Variants in ANKS1A observed in about 807,000 individuals in gnomAD.
ANKS1A encodes the protein ankyrin repeat and sterile alpha motif domain containing 1A.
In ANKS1A, 55 loss-of-function variants were observed where a neutral mutation model predicts 120.3. The ratio of observed to expected loss-of-function variants is 0.46; its 90% CI spans 0.37 to 0.57. The LOEUF (loss-of-function observed/expected upper bound fraction) is 0.57. Ranked by LOEUF, ANKS1A falls within the 20% of genes least tolerant of loss-of-function variation. The probability of loss-of-function intolerance (pLI) is 0.00; values close to 1 mark genes in which losing one functional copy is unlikely to be tolerated. For missense variants in ANKS1A, 1,123 were observed against 1,480.3 expected (o/e 0.76, Z 3.96); for synonymous variants, 590 against 604.7 (o/e 0.98, Z 0.36).
intron 1 of ANKS1A, among the ~76,000 whole-genome samples, chr6:34,961,963 T>G (rs958118111): frequency 5.9e-5 from 9 of 152,236 alleles, no homozygotes; most frequent in Admixed American, 2.0e-4. Flanking sequence ...TGATTTCGTG[T>G]GTGATTTGGG....
chr6:35,037,774 G>T (rs935939724), intron 11 of ANKS1A, among the ~76,000 whole-genome samples: 1 of 152,112 alleles, frequency 6.6e-6, no homozygotes, highest in Admixed American at 6.5e-5. Context: ...CAGATGGGAG[G>T]GTTTAGAAAT....
chr6:34,922,235 T>C (rs573025757), intron 1 of ANKS1A, among the ~76,000 whole-genome samples: 1 of 152,276 alleles, frequency 6.6e-6, no homozygotes, highest in African/African-American at 2.4e-5. Flanking sequence ...GTACCCCATG[T>C]AAAGCCATAT....
chr6:34,983,188 G>A lies in ANKS1A; in HGVS notation c.884G>A (p.Ser295Asn). The change falls in exon 6 of 24, where the codon AGC becomes AAC. Residue 295 changes from serine to asparagine, a missense_variant. Ser to Asn is a conservative substitution (Grantham distance 46, BLOSUM62 1). This residue lies in a region of ANKS1A where 904 missense variants were observed against 1,130.4 expected (regional missense o/e 0.80). Coordinates refer to ENST00000360359, the MANE Select transcript of ANKS1A (RefSeq NM_015245.3). ...GTTCGGGAACTGCCTTCTCAAAAGA[G>A]CCAGCAAATAGCAGCATTAATTGAA... ...DTVRELPSQKSQQIAALIEDH... is the reference protein window; with the variant it reads ...DTVRELPSQKNQQIAALIEDH... 6.2e-7 allele frequency: 1 copy of A among 1,614,182 alleles called. No homozygotes were observed. Among genetic ancestry groups the A allele is most frequent in the Non-Finnish European group, 8.5e-7 (1 of 1,180,044 alleles).
At chr6:35,005,638 G>C in intron 10 of ANKS1A, 1 of 407,358 alleles carries the variant, frequency 2.5e-6, no homozygotes, top group Non-Finnish European at 4.7e-6. Flanking sequence ...AGAAAGAAAA[G>C]TAAAAGTAAA....
chr6:34,901,170 A>G (rs898531511), intron 1 of ANKS1A, among the ~76,000 whole-genome samples: 1 of 152,136 alleles, frequency 6.6e-6, no homozygotes, highest in Non-Finnish European at 1.5e-5. Context: ...GAATCTAAAC[A>G]ATTGGCAAGA....
At chr6:34,916,285 GC>G (rs1324404399) in intron 1 of ANKS1A, among the ~76,000 whole-genome samples, 1 of 152,078 alleles carries the variant, frequency 6.6e-6, no homozygotes, top group Non-Finnish European at 1.5e-5. Context: ...GAGCCACTGC[GC>G]CCAGCCCATG....
chr6:34,904,496 G>C (rs918298941), intron 1 of ANKS1A, among the ~76,000 whole-genome samples: 2 of 152,184 alleles, frequency 1.3e-5, no homozygotes, highest in Non-Finnish European at 2.9e-5. Flanking sequence ...CACTTTGGGA[G>C]GCTGAGGTGG....
At position 35,085,961 on chromosome 6, in the gene ANKS1A, T is replaced by A; in HGVS notation, c.3303+25T>A. Reference sequence around the variant, plus strand: ...AGTACGTGGGCCCCACTGGCCAAGATCCCCCTCTCCCTGGCCCCAGGGATT... The same window carrying A: ...AGTACGTGGGCCCCACTGGCCAAGAACCCCCTCTCCCTGGCCCCAGGGATT... On this transcript the variant is annotated intron_variant, in intron 22 of 23. Coordinates refer to ENST00000360359, the MANE Select transcript of ANKS1A (RefSeq NM_015245.3). The surrounding 1 kb of genome is among the most constrained non-coding windows in gnomAD (Gnocchi z 4.7). 6.4e-7 allele frequency: 1 copy of A among 1,570,684 alleles called. No homozygotes were observed. Among genetic ancestry groups the A allele is most frequent in the Non-Finnish European group, 8.6e-7 (1 of 1,161,354 alleles).
downstream of ANKS1A, among the ~76,000 whole-genome samples, chr6:35,095,550 G>GT (rs1259315434): frequency 1.8e-5 from 2 of 111,788 alleles, no homozygotes; most frequent in Non-Finnish European, 3.4e-5. Flanking sequence ...GAGGGAGACT[G>GT]TGTCACAAAA....
chr6:35,039,369 G>A (rs1411085063), intron 11 of ANKS1A, among the ~76,000 whole-genome samples: 1 of 151,846 alleles, frequency 6.6e-6, no homozygotes, highest in Non-Finnish European at 1.5e-5. Context: ...GGCTGATTTT[G>A]TATTTTTAGT....
intron 10 of ANKS1A, among the ~76,000 whole-genome samples, chr6:35,007,597 A>T (rs1773531600): frequency 6.6e-6 from 1 of 152,074 alleles, no homozygotes; most frequent in Admixed American, 6.5e-5. Context: ...TTTGATAGTA[A>T]ATGGGAATGT....
intron 3 of ANKS1A, among the ~76,000 whole-genome samples, chr6:34,973,617 G>A (rs1038009938): frequency 3.3e-5 from 5 of 152,186 alleles, no homozygotes; most frequent in Non-Finnish European, 7.4e-5. Context: ...TTGGGGAAGA[G>A]AAACATAAGG....
At chr6:34,955,129 T>G (rs1359075925) in intron 1 of ANKS1A, among the ~76,000 whole-genome samples, 1 of 130,176 alleles carries the variant, frequency 7.7e-6, no homozygotes, top group African/African-American at 3.6e-5. Flanking sequence ...TGAGTTTTCT[T>G]TTTTCTTTTC....
intron 1 of ANKS1A, among the ~76,000 whole-genome samples, chr6:34,965,194 T>A (rs777777073): frequency 1.3e-5 from 2 of 152,214 alleles, no homozygotes; most frequent in Non-Finnish European, 2.9e-5. Context: ...GAGCTATGAC[T>A]TTATAGTATT....
intron 9 of ANKS1A, among the ~76,000 whole-genome samples, chr6:34,993,381 C>G (rs1300150302): frequency 6.6e-6 from 1 of 152,214 alleles, no homozygotes; most frequent in Non-Finnish European, 1.5e-5. Context: ...CTCAGCTGGT[C>G]AAAGCCTTAC....
intron 11 of ANKS1A, among the ~76,000 whole-genome samples, chr6:35,048,435 G>C (rs1005300558): frequency 6.6e-6 from 1 of 152,208 alleles, no homozygotes; most frequent in Admixed American, 6.5e-5. Flanking sequence ...CCCGCTGGCA[G>C]ATAGTTACTC....
chr6:34,986,045 A>G (rs1772184593), intron 8 of ANKS1A, among the ~76,000 whole-genome samples: 1 of 152,258 alleles, frequency 6.6e-6, no homozygotes, highest in Non-Finnish European at 1.5e-5. Flanking sequence ...CCTAGGTTAA[A>G]TGTGCTCAGA....
intron 1 of ANKS1A, among the ~76,000 whole-genome samples, chr6:34,911,619 G>C (rs1767911525): frequency 6.6e-6 from 1 of 152,130 alleles, no homozygotes; most frequent in South Asian, 2.1e-4. Context: ...AATTCTCCAG[G>C]CTTTGTGATT....
Position 34,970,136 on chromosome 6 carries a change from A to C in ANKS1A, c.405A>C (p.Gln135His). The C allele has an allele frequency of 6.2e-7, 1 of 1,613,952 alleles. No homozygotes were observed. The highest frequency in any genetic ancestry group is 8.5e-7 in the Non-Finnish European group (1 of 1,179,978). ...DAQIVRLLIH[Q>H]GPSHTRVNEQ... ...AGATAGTGCGGTTGCTCATCCATCA[A>C]GGGCCTTCACACACCAGAGTCAATG... Residue 135 changes from glutamine (Q) to histidine (H), a missense_variant, in exon 3 of 24, where the codon CAA (glutamine) becomes CAC (histidine). Coordinates refer to ENST00000360359, the MANE Select transcript of ANKS1A (RefSeq NM_015245.3).
Sources: allele counts gnomAD v4.1 joint callset (sites outside exome capture counted in the v4.1 genomes callset), GRCh38; gene constraint gnomAD v4.1.1; regional missense constraint gnomAD v4.1.1; non-coding constraint Gnocchi (gnomAD v3.1); transcripts MANE v1.5; gene names NCBI Gene and HGNC (gene_info 2026-07-23, HGNC 2026-07-21).